Variants in LYPD6 observed in about 807,000 individuals in gnomAD.
The protein encoded by LYPD6 is LY6/PLAUR domain containing 6, also known as ly6/PLAUR domain-containing protein 6.
In LYPD6, 15 loss-of-function variants were observed where a neutral mutation model predicts 22.7. The observed-to-expected ratio is 0.66, with a 90% CI of 0.44 to 1.02. The LOEUF is 1.02. Ranked by LOEUF, LYPD6 falls within the 50% of genes least tolerant of loss-of-function variation. The pLI is 0.00. For missense variants in LYPD6, 189 were observed against 208.4 expected (o/e 0.91, Z 0.57); for synonymous variants, 72 against 77.5 (o/e 0.93, Z 0.37).
At chr2:149,436,155 A>C (rs114071189) in intron 1 of LYPD6, among the ~76,000 whole-genome samples, 2,015 of 152,226 alleles carry the variant, frequency 0.013, 53 homozygotes, top group African/African-American at 0.047. Context: ...ATTGGGTCGT[A>C]TTGATTTTCT....
At chr2:149,384,583 T>G (rs566496103) in intron 1 of LYPD6, among the ~76,000 whole-genome samples, 1 of 152,188 alleles carries the variant, frequency 6.6e-6, no homozygotes, top group Non-Finnish European at 1.5e-5. Flanking sequence ...GTGCTCGTGT[T>G]GGCACTATAG....
chr2:149,453,417 C>T (rs1387698358), intron 3 of LYPD6, among the ~76,000 whole-genome samples: 1 of 152,190 alleles, frequency 6.6e-6, no homozygotes, highest in Non-Finnish European at 1.5e-5. Context: ...GATAGCTAAG[C>T]CAAAGACATT....
At chr2:149,431,637 G>A (rs1683314568) in intron 1 of LYPD6, among the ~76,000 whole-genome samples, 1 of 152,086 alleles carries the variant, frequency 6.6e-6, no homozygotes, top group Admixed American at 6.6e-5. Context: ...AAAGAGAGGT[G>A]GAAAATACAG....
chr2:149,410,637 T>C (rs1682831095), intron 1 of LYPD6, among the ~76,000 whole-genome samples: 1 of 152,216 alleles, frequency 6.6e-6, no homozygotes, highest in African/African-American at 2.4e-5. Flanking sequence ...GTGCAGATTG[T>C]CTAAAGTCGT....
intron 1 of LYPD6, among the ~76,000 whole-genome samples, chr2:149,379,153 G>T (rs1380536405): frequency 1.3e-5 from 2 of 152,140 alleles, no homozygotes; most frequent in African/African-American, 4.8e-5. Context: ...CTGTGGTATG[G>T]GAGCCCCCTC....
intron 1 of LYPD6, among the ~76,000 whole-genome samples, chr2:149,407,324 G>A (rs932866658): frequency 6.6e-6 from 1 of 152,228 alleles, no homozygotes; most frequent in Non-Finnish European, 1.5e-5. Flanking sequence ...ATCCTGCAGA[G>A]TGTTTTCCAA....
At chr2:149,371,199 G>T (rs527584015) in intron 1 of LYPD6, among the ~76,000 whole-genome samples, 1 of 152,252 alleles carries the variant, frequency 6.6e-6, no homozygotes, top group Non-Finnish European at 1.5e-5. Context: ...GTATAGGGCT[G>T]GGATCCTGTG....
chr2:149,467,589 G>A (rs1681228171), intron 3 of LYPD6, among the ~76,000 whole-genome samples: 1 of 152,028 alleles, frequency 6.6e-6, no homozygotes, highest in Admixed American at 6.6e-5. Context: ...GGAGAGGGGA[G>A]GAATTTGTAT....
chr2:149,436,820 C>T (rs1377622069), intron 1 of LYPD6, among the ~76,000 whole-genome samples: 6 of 152,258 alleles, frequency 3.9e-5, no homozygotes, highest in South Asian at 2.1e-4. Context: ...CAACCTCAGG[C>T]GATCCAGGCC....
At chr2:149,436,190 T>C (rs1442781704) in intron 1 of LYPD6, among the ~76,000 whole-genome samples, 1 of 152,248 alleles carries the variant, frequency 6.6e-6, no homozygotes, top group Non-Finnish European at 1.5e-5. Context: ...TTTCATAATA[T>C]ATTTCCTTGC....
chr2:149,381,725 T>A (rs1682069562), intron 1 of LYPD6, among the ~76,000 whole-genome samples: 1 of 152,332 alleles, frequency 6.6e-6, no homozygotes, highest in Admixed American at 6.5e-5. Context: ...TCAATGCTTT[T>A]CCATTTACCA....
intron 1 of LYPD6, among the ~76,000 whole-genome samples, chr2:149,386,512 C>A (rs2105093338): frequency 6.6e-6 from 1 of 152,218 alleles, no homozygotes; most frequent in South Asian, 2.1e-4. Flanking sequence ...AGAGTGGGGA[C>A]CTGTGACCTG....
At chr2:149,343,026 ACTTT>A (rs1681190948) in intron 1 of LYPD6, among the ~76,000 whole-genome samples, 1 of 152,214 alleles carries the variant, frequency 6.6e-6, no homozygotes. Flanking sequence ...CTATAATGGT[ACTTT>A]CTTCTCAGTT....
intron 1 of LYPD6, among the ~76,000 whole-genome samples, chr2:149,374,841 C>T (rs141272450): frequency 5.5e-4 from 83 of 152,220 alleles, no homozygotes; most frequent in African/African-American, 1.9e-3. Context: ...TATTATAATA[C>T]AATTATGAGG....
intron 3 of LYPD6, among the ~76,000 whole-genome samples, chr2:149,462,136 A>G (rs1180107630): frequency 1.1e-5 from 1 of 94,028 alleles, no homozygotes; most frequent in African/African-American, 2.9e-5. Context: ...ATTTCTATGT[A>G]GAAAATTCCA....
intron 3 of LYPD6, among the ~76,000 whole-genome samples, chr2:149,467,927 G>A (rs1049708175): frequency 1.2e-4 from 18 of 151,944 alleles, no homozygotes; most frequent in Admixed American, 1.1e-3. Flanking sequence ...TAGACATAGA[G>A]GGACCTCTGG....
intron 1 of LYPD6, among the ~76,000 whole-genome samples, chr2:149,420,812 C>T (rs888840914): frequency 6.6e-6 from 1 of 152,082 alleles, no homozygotes; most frequent in South Asian, 2.1e-4. Flanking sequence ...TTAACTGAGC[C>T]GTGTGGAGAA....
At chr2:149,486,242 C>T in the LYPD6 span, among the ~76,000 whole-genome samples, 59 of 152,210 alleles carry the variant, frequency 3.9e-4, no homozygotes, top group Admixed American at 1.4e-3. Context: ...TATTAATGAT[C>T]CTTTCAATAT....
chr2:149,428,474 C>G (rs896346735), intron 1 of LYPD6, among the ~76,000 whole-genome samples: 2 of 152,226 alleles, frequency 1.3e-5, no homozygotes, highest in Non-Finnish European at 2.9e-5. Context: ...TCTCTTCTTC[C>G]TCCTCCATGA....
Sources: allele counts gnomAD v4.1 joint callset (sites outside exome capture counted in the v4.1 genomes callset), GRCh38; gene constraint gnomAD v4.1.1; transcripts MANE v1.5; gene names NCBI Gene and HGNC (gene_info 2026-07-23, HGNC 2026-07-21).